Variants in CNBD1 observed in about 807,000 individuals in gnomAD.
CNBD1 encodes cyclic nucleotide binding domain containing 1.
A neutral mutation model predicts 54.4 loss-of-function variants in CNBD1; 71 were observed. The ratio of observed to expected loss-of-function variants is 1.30; its 90% CI spans 1.08 to 1.59. CNBD1 has a LOEUF of 1.59. Ranked by LOEUF, CNBD1 falls within the 40% of genes most tolerant of loss-of-function variation. The pLI is 0.00. For missense variants in CNBD1, 659 were observed against 518.0 expected, an observed-to-expected ratio of 1.27 and a Z score of -2.64; for synonymous variants, 182 against 170.7, an observed-to-expected ratio of 1.07 and a Z score of -0.51.
At chr8:87,192,444 G>A (rs1189642765) in intron 4 of CNBD1, among the ~76,000 whole-genome samples, 1 of 152,028 alleles carries the variant, frequency 6.6e-6, no homozygotes, top group Admixed American at 6.6e-5. Context: ...TTAATGTAGG[G>A]GCTAAAGTGG....
intron 4 of CNBD1, among the ~76,000 whole-genome samples, chr8:86,957,751 T>C (rs939316197): frequency 6.6e-6 from 1 of 152,188 alleles, no homozygotes; most frequent in African/African-American, 2.4e-5. Flanking sequence ...TAGCAGTCTA[T>C]CAATTTTGTT....
chr8:87,381,733 T>G (rs923749237), intron 10 of CNBD1, among the ~76,000 whole-genome samples: 2 of 152,006 alleles, frequency 1.3e-5, no homozygotes, highest in African/African-American at 4.8e-5. Flanking sequence ...GACATTATGC[T>G]ACATGAAATA....
chr8:87,186,545 G>C (rs1051773519), intron 4 of CNBD1, among the ~76,000 whole-genome samples: 1 of 152,104 alleles, frequency 6.6e-6, no homozygotes, highest in Admixed American at 6.5e-5. Flanking sequence ...AAATAAATGA[G>C]AGAATTCTTC....
chr8:86,920,612 A>C (rs1039114236), intron 3 of CNBD1, among the ~76,000 whole-genome samples: 4 of 152,162 alleles, frequency 2.6e-5, no homozygotes, highest in South Asian at 2.1e-4. Context: ...AGGCAGCCTG[A>C]CCCAAGGAAG....
At chr8:87,040,173 A>T (rs983076321) in intron 4 of CNBD1, among the ~76,000 whole-genome samples, 1 of 152,206 alleles carries the variant, frequency 6.6e-6, no homozygotes, top group Non-Finnish European at 1.5e-5. Flanking sequence ...TCTAGTTCCC[A>T]GGAGGAAGGG....
At chr8:87,278,275 C>A (rs1808524660) in intron 6 of CNBD1, among the ~76,000 whole-genome samples, 1 of 151,504 alleles carries the variant, frequency 6.6e-6, no homozygotes, top group Non-Finnish European at 1.5e-5. Flanking sequence ...TTTAGTCCTG[C>A]CTGAAGCAGT....
intron 8 of CNBD1, among the ~76,000 whole-genome samples, chr8:87,350,167 GA>G (rs1399171151): frequency 6.6e-6 from 1 of 152,080 alleles, no homozygotes; most frequent in African/African-American, 2.4e-5. Flanking sequence ...ACTTTTAAGA[GA>G]AAAATCTGTG....
At chr8:87,351,935 GT>G (rs2130928265) in intron 9 of CNBD1, 141 bp downstream of exon 9, 1 of 839,708 alleles carries the variant, frequency 1.2e-6, no homozygotes, top group Non-Finnish European at 1.6e-6. Flanking sequence ...TTTTGTGTTT[GT>G]TTTTGGTTTA....
chr8:87,263,211 A>G (rs1808177583), intron 6 of CNBD1, among the ~76,000 whole-genome samples: 1 of 152,200 alleles, frequency 6.6e-6, no homozygotes, highest in Admixed American at 6.5e-5. Context: ...CTTGTCAACT[A>G]TGATGACTAC....
chr8:87,350,168 A>G (rs974909039), intron 8 of CNBD1, among the ~76,000 whole-genome samples: 2 of 152,180 alleles, frequency 1.3e-5, no homozygotes, highest in Non-Finnish European at 2.9e-5. Flanking sequence ...CTTTTAAGAG[A>G]AAAATCTGTG....
chr8:87,416,961 A>C (rs1462722093), intron 2 of CNBD1, among the ~76,000 whole-genome samples: 1 of 152,070 alleles, frequency 6.6e-6, no homozygotes, highest in Non-Finnish European at 1.5e-5. Flanking sequence ...TCTGTATCTG[A>C]GGTTCAATAT....
chr8:86,907,563 G>A (rs1471845402), intron 3 of CNBD1, among the ~76,000 whole-genome samples: 1 of 151,944 alleles, frequency 6.6e-6, no homozygotes, highest in African/African-American at 2.4e-5. Context: ...AGCTACTTGG[G>A]AGGCTGAGGC....
At chr8:87,132,660 T>C (rs1812142503) in intron 4 of CNBD1, among the ~76,000 whole-genome samples, 3 of 147,662 alleles carry the variant, frequency 2.0e-5, no homozygotes, top group Non-Finnish European at 4.5e-5. Context: ...AAGATATATA[T>C]CTAATATATA....
chr8:86,894,574 A>G (rs1808822801), intron 2 of CNBD1, among the ~76,000 whole-genome samples: 1 of 152,142 alleles, frequency 6.6e-6, no homozygotes, highest in East Asian at 1.9e-4. Flanking sequence ...TGAACATTGC[A>G]GGGCTTTTGA....
chr8:87,123,903 T>G (rs1586272446), intron 4 of CNBD1, among the ~76,000 whole-genome samples: 1 of 151,834 alleles, frequency 6.6e-6, no homozygotes, highest in East Asian at 1.9e-4. Context: ...GATAAATTTC[T>G]AGACACATGG....
At chr8:86,906,324 C>T (rs549177688) in intron 3 of CNBD1, among the ~76,000 whole-genome samples, 1 of 152,140 alleles carries the variant, frequency 6.6e-6, no homozygotes, top group Non-Finnish European at 1.5e-5. Flanking sequence ...TTATGTAAAA[C>T]ATACCATATT....
chr8:86,985,074 T>G (rs1808577103), intron 4 of CNBD1, among the ~76,000 whole-genome samples: 2 of 152,150 alleles, frequency 1.3e-5, no homozygotes, highest in African/African-American at 2.4e-5. Context: ...GTCTTTCGTG[T>G]GCTTTACTTG....
In CNBD1 at chr8:86,949,957, T is replaced by TGTTTTTG. The variant is rs1554633441; in HGVS notation, c.431+10203_431+10204insGTTTTTG. The stretch of plus-strand genomic sequence containing the variant: ...ATACTTCATCAAATGCTTTTTTTTT[T>TGTTTTTG]TTTTTTTTTTTTTTTTTGAGATGGA... On this transcript the variant is annotated intron_variant, in intron 4 of 10. Transcript: ENST00000518476. 3.0e-4 allele frequency among the ~76,000 whole-genome samples: 37 copies of TGTTTTTG among 122,072 alleles called. 6 individuals carry two copies. Among genetic ancestry groups the TGTTTTTG allele is most frequent in the African/African-American group, 1.1e-3 (36 of 32,366 alleles). The allele number at this position is 122,072 out of a possible 152,430, so 80.1% of individuals were successfully genotyped here. A position where few individuals can be genotyped will look rare whatever the true frequency, so the allele number is the denominator to read the frequency against.
intron 2 of CNBD1, among the ~76,000 whole-genome samples, chr8:87,411,558 G>A (rs1471382137): frequency 2.7e-5 from 4 of 150,242 alleles, no homozygotes; most frequent in African/African-American, 9.7e-5. Context: ...AGTTAATGAT[G>A]TCACTTATTA....
Sources: allele counts gnomAD v4.1 joint callset (sites outside exome capture counted in the v4.1 genomes callset), GRCh38; gene constraint gnomAD v4.1.1; transcripts MANE v1.5; gene names NCBI Gene and HGNC (gene_info 2026-07-23, HGNC 2026-07-21).